The following ASIC2 variants were observed in gnomAD, a reference collection of about 807,000 sequenced individuals.
ASIC2 encodes the protein acid-sensing ion channel 2.
Under a neutral mutation model 57.3 loss-of-function variants are expected in ASIC2, and 25 were observed. The ratio of observed to expected loss-of-function variants is 0.44; its 90% CI spans 0.32 to 0.61. ASIC2 has a LOEUF of 0.61. ASIC2 is among the 20% of genes least tolerant of loss of function. ASIC2 has a pLI of 0.06. For synonymous variants in ASIC2, 319 were observed against 307.5 expected, an observed-to-expected ratio of 1.04 and a Z score of -0.39; for missense variants, 641 against 738.1, an observed-to-expected ratio of 0.87 and a Z score of 1.52.
At chr17:33,522,061 T>C (rs1368111516) in intron 1 of ASIC2, among the ~76,000 whole-genome samples, 1 of 152,142 alleles carries the variant, frequency 6.6e-6, no homozygotes, top group Non-Finnish European at 1.5e-5. Context: ...CGGGGCTGCA[T>C]AGAGGAGCAT....
chr17:33,681,745 G>C (rs796247075), intron 1 of ASIC2, among the ~76,000 whole-genome samples: 8 of 152,240 alleles, frequency 5.3e-5, no homozygotes, highest in African/African-American at 1.9e-4. Context: ...CCTCTCCTCT[G>C]TGTTATTCTG....
chr17:33,201,555 C>A (rs980769570), intron 1 of ASIC2, among the ~76,000 whole-genome samples: 3 of 152,348 alleles, frequency 2.0e-5, no homozygotes, highest in African/African-American at 7.2e-5. Context: ...GAAGTTACCA[C>A]CCCTTTTCTA....
chr17:33,795,017 A>C (rs1258863484), intron 1 of ASIC2, among the ~76,000 whole-genome samples: 1 of 152,204 alleles, frequency 6.6e-6, no homozygotes, highest in East Asian at 1.9e-4. Flanking sequence ...AATTCAATTC[A>C]AGTCTGCATT....
At chr17:33,098,883 G>C (rs2092196537) in intron 2 of ASIC2, among the ~76,000 whole-genome samples, 1 of 151,140 alleles carries the variant, frequency 6.6e-6, no homozygotes, top group South Asian at 2.1e-4. Flanking sequence ...GTCACTCAAT[G>C]TCTCTGCTTA....
At chr17:33,045,944 G>A (rs922637152) in intron 3 of ASIC2, among the ~76,000 whole-genome samples, 2 of 152,164 alleles carry the variant, frequency 1.3e-5, no homozygotes, top group Non-Finnish European at 2.9e-5. Context: ...GAGCTGCCGG[G>A]TACAGCTATG....
chr17:33,522,782 A>G (rs1433719109), intron 1 of ASIC2, among the ~76,000 whole-genome samples: 1 of 152,234 alleles, frequency 6.6e-6, no homozygotes, highest in Non-Finnish European at 1.5e-5. Context: ...AATTCCCACA[A>G]GAACAGACAC....
chr17:33,660,696 C>G (rs373178618), intron 1 of ASIC2, among the ~76,000 whole-genome samples: 2 of 152,220 alleles, frequency 1.3e-5, no homozygotes, highest in African/African-American at 4.8e-5. Flanking sequence ...TCGTCACAAA[C>G]ATGTGTGTCC....
intron 1 of ASIC2, among the ~76,000 whole-genome samples, chr17:33,808,152 C>A: frequency 1.3e-5 from 2 of 152,350 alleles, no homozygotes; most frequent in South Asian, 4.1e-4. Flanking sequence ...GTTTATAATT[C>A]TGTGCTTTAC....
chr17:34,020,224 G>A (rs1225388994), intron 1 of ASIC2, among the ~76,000 whole-genome samples: 2 of 152,140 alleles, frequency 1.3e-5, no homozygotes, highest in Non-Finnish European at 2.9e-5. Flanking sequence ...GTATCTGGTG[G>A]TCCCTGGGCC....
intron 1 of ASIC2, among the ~76,000 whole-genome samples, chr17:33,799,427 C>CTTTCTTTCTTTCTTTCTTCT (rs11439080): frequency 7.4e-4 from 62 of 84,070 alleles, no homozygotes; most frequent in East Asian, 1.4e-3. Flanking sequence ...TTCTTTCTTT[C>CTTTCTTTCTTTCTTTCTTCT]TTCTTTCTTT....
intron 1 of ASIC2, among the ~76,000 whole-genome samples, chr17:33,365,339 C>T (rs1169123471): frequency 6.6e-6 from 1 of 151,928 alleles, no homozygotes; most frequent in Non-Finnish European, 1.5e-5. Flanking sequence ...TGTTATCTGC[C>T]TCTTTCATGA....
intron 1 of ASIC2, among the ~76,000 whole-genome samples, chr17:33,419,904 T>G: frequency 6.6e-6 from 1 of 152,246 alleles, no homozygotes; most frequent in East Asian, 1.9e-4. Flanking sequence ...GTTCCATTTG[T>G]GCAAAATAAA....
At chr17:34,043,160 G>T (rs914128257) in intron 1 of ASIC2, among the ~76,000 whole-genome samples, 1 of 152,200 alleles carries the variant, frequency 6.6e-6, no homozygotes, top group Non-Finnish European at 1.5e-5. Flanking sequence ...TGGCAGGGTA[G>T]GATGGGAGCT....
intron 1 of ASIC2, among the ~76,000 whole-genome samples, chr17:34,048,851 A>G (rs1018982435): frequency 2.6e-4 from 39 of 152,206 alleles, no homozygotes; most frequent in Non-Finnish European, 5.0e-4. Flanking sequence ...TATTTATGAA[A>G]TATATTTATT....
At chr17:33,750,946 A>G (rs1910411883) in intron 1 of ASIC2, among the ~76,000 whole-genome samples, 1 of 152,156 alleles carries the variant, frequency 6.6e-6, no homozygotes, top group Admixed American at 6.5e-5. Context: ...ATAAAGTAAT[A>G]ATGTTATCAG....
chr17:33,845,572 C>T (rs888501713), intron 1 of ASIC2, among the ~76,000 whole-genome samples: 1 of 152,112 alleles, frequency 6.6e-6, no homozygotes, highest in African/African-American at 2.4e-5. Context: ...CTCTAAGTCT[C>T]AATTTTCCAA....
chr17:33,781,468 A>G (rs1224372349), intron 1 of ASIC2, among the ~76,000 whole-genome samples: 1 of 152,212 alleles, frequency 6.6e-6, no homozygotes. Flanking sequence ...AGGCAGACAT[A>G]GAGGGGTGAG....
intron 1 of ASIC2, among the ~76,000 whole-genome samples, chr17:33,247,572 C>T (rs1223912507): frequency 1.3e-5 from 2 of 152,266 alleles, no homozygotes; most frequent in East Asian, 3.9e-4. Flanking sequence ...AGACAATGGA[C>T]AAAGAGAACA....
intron 1 of ASIC2, chr17:33,936,371 C>T (rs1216392092): frequency 2.0e-5 from 3 of 152,190 alleles, no homozygotes; most frequent in Non-Finnish European, 4.4e-5. Flanking sequence ...CACGTGGTCT[C>T]AGAACGGGGC....
Sources: allele counts gnomAD v4.1 joint callset (sites outside exome capture counted in the v4.1 genomes callset), GRCh38; gene constraint gnomAD v4.1.1; transcripts MANE v1.5; gene names NCBI Gene and HGNC (gene_info 2026-07-23, HGNC 2026-07-21).